Variants in SPON1 observed in about 807,000 individuals in gnomAD.
SPON1 encodes spondin 1.
SPON1 carries 52 observed loss-of-function variants against 111.7 expected under a neutral mutation model. That is an observed-to-expected ratio of 0.47 (90% CI 0.37 to 0.59). The LOEUF (loss-of-function observed/expected upper bound fraction) is 0.59. Ranked by LOEUF, SPON1 falls within the 20% of genes least tolerant of loss-of-function variation. The probability of loss-of-function intolerance (pLI) is 0.00; values close to 1 mark genes in which losing one functional copy is unlikely to be tolerated. For synonymous variants in SPON1, 410 were observed against 395.8 expected, an observed-to-expected ratio of 1.04 and a Z score of -0.43; for missense variants, 957 against 1,068.5, an observed-to-expected ratio of 0.90 and a Z score of 1.46.
chr11:14,079,407 T>G (rs1043110680), intron 4 of SPON1, among the ~76,000 whole-genome samples: 1 of 152,212 alleles, frequency 6.6e-6, no homozygotes, highest in African/African-American at 2.4e-5. Flanking sequence ...ATTCTTTATC[T>G]CTCTCCATTT....
chr11:14,243,952 C>T (rs1343466051), intron 7 of SPON1, among the ~76,000 whole-genome samples: 1 of 152,178 alleles, frequency 6.6e-6, no homozygotes, highest in African/African-American at 2.4e-5. Flanking sequence ...CATGGATGGT[C>T]CACCTGGACC....
intron 2 of SPON1, among the ~76,000 whole-genome samples, chr11:14,027,020 T>C (rs1848523743): frequency 6.6e-6 from 1 of 152,176 alleles, no homozygotes; most frequent in African/African-American, 2.4e-5. Flanking sequence ...GATAAGCTTG[T>C]GCCTCTGATA....
In SPON1 at chr11:14,260,631, C is replaced by A; in HGVS notation, c.1875C>A (p.Asp625Glu). ...TGTCCCCATGGTCCGAGTGGAGTGA[C>A]TGCAGCGTGACCTGCGGGAAGGGCA... The part of the protein sequence containing the change: ...CLLSPWSEWS[D>E]CSVTCGKGMR... Residue 625 changes from aspartate to glutamate, a missense_variant, in exon 14 of 16, where the codon GAC becomes GAA. Asp to Glu is a conservative substitution (Grantham distance 45, BLOSUM62 2). Around this residue, in one of 5 missense-constraint regions of SPON1, gnomAD observed 549 missense variants for 606.2 expected, o/e 0.91. Coordinates refer to ENST00000576479, the MANE Select transcript of SPON1 (RefSeq NM_006108.4). 6.2e-7 allele frequency: 1 copy of A among 1,614,006 alleles called. No individual in the cohort carries two copies. The highest frequency in any genetic ancestry group is 8.5e-7 in the Non-Finnish European group (1 of 1,179,892).
chr11:14,176,559 C>T (rs1282880434), intron 6 of SPON1, among the ~76,000 whole-genome samples: 4 of 152,246 alleles, frequency 2.6e-5, no homozygotes, highest in East Asian at 1.9e-4. Context: ...CAGAACCAGT[C>T]GGGAGAAGGA....
chr11:14,137,585 G>T (rs1160130797), intron 6 of SPON1, among the ~76,000 whole-genome samples: 2 of 152,150 alleles, frequency 1.3e-5, no homozygotes, highest in Admixed American at 1.3e-4. Flanking sequence ...CAACAGCAGA[G>T]AATACCAGGA....
chr11:14,141,605 G>A (rs968798772), intron 6 of SPON1, among the ~76,000 whole-genome samples: 12 of 152,222 alleles, frequency 7.9e-5, no homozygotes, highest in African/African-American at 2.4e-4. Context: ...TTATCACACC[G>A]CCTGTGGCAT....
chr11:14,122,617 A>C (rs781861792), intron 5 of SPON1, among the ~76,000 whole-genome samples: 21 of 151,890 alleles, frequency 1.4e-4, no homozygotes, highest in Non-Finnish European at 2.5e-4. Flanking sequence ...TCTGTGCTTC[A>C]TTTTGAATTG....
intron 6 of SPON1, among the ~76,000 whole-genome samples, chr11:14,203,501 G>A (rs782664886): frequency 5.3e-5 from 8 of 152,180 alleles, no homozygotes; most frequent in African/African-American, 1.2e-4. Flanking sequence ...GACGATTATC[G>A]TACATCAAGA....
chr11:14,173,092 C>T (rs1207851648), intron 6 of SPON1, among the ~76,000 whole-genome samples: 2 of 151,864 alleles, frequency 1.3e-5, no homozygotes, highest in African/African-American at 4.8e-5. Context: ...GAGTGTTTTC[C>T]AACTTGGTTC....
intron 6 of SPON1, among the ~76,000 whole-genome samples, chr11:14,181,844 G>T (rs1395790497): frequency 6.6e-6 from 1 of 152,148 alleles, no homozygotes; most frequent in Non-Finnish European, 1.5e-5. Flanking sequence ...TTCCTCATGT[G>T]TGGGTTTTTT....
rs573097190 is a variant in SPON1, at chr11:14,027,134, C to G, written c.346-14387C>G. On this transcript the variant is annotated intron_variant, in intron 2 of 15. Transcript: ENST00000576479. The stretch of plus-strand genomic sequence containing the variant: ...CTGGACTTCTCTCTGCCGGGAGGCA[C>G]TGGCGTTGTAAGAAATGAAGGAATG... Among the ~76,000 whole-genome samples, 5 of 152,272 alleles carry G rather than the reference C, an allele frequency of 3.3e-5. No homozygotes were observed. In the South Asian group the frequency reaches 1.0e-3, roughly 32 times the overall value.
chr11:14,240,925 A>C (rs1341563588), intron 6 of SPON1, among the ~76,000 whole-genome samples: 1 of 152,230 alleles, frequency 6.6e-6, no homozygotes, highest in Non-Finnish European at 1.5e-5. Context: ...AAGAGAGCTA[A>C]GATATATAGT....
chr11:14,171,191 A>C (rs1292881608), intron 6 of SPON1, among the ~76,000 whole-genome samples: 1 of 152,178 alleles, frequency 6.6e-6, no homozygotes, highest in Non-Finnish European at 1.5e-5. Context: ...TGGTCTATTC[A>C]GGGATTCAAC....
At chr11:14,038,002 C>T (rs1262574561) in intron 2 of SPON1, among the ~76,000 whole-genome samples, 1 of 151,150 alleles carries the variant, frequency 6.6e-6, no homozygotes, top group Non-Finnish European at 1.5e-5. Flanking sequence ...CCTGTCTCTA[C>T]TAAAAATACA....
At chr11:14,079,750 A>T in intron 4 of SPON1, 149 bp from the exon 5 acceptor site, 1 of 741,186 alleles carries the variant, frequency 1.3e-6, no homozygotes, top group Non-Finnish European at 2.1e-6. Flanking sequence ...TTTATTGCCC[A>T]AGTACTGATC....
intron 2 of SPON1, among the ~76,000 whole-genome samples, chr11:14,027,752 T>C (rs1475608819): frequency 6.6e-6 from 1 of 152,212 alleles, no homozygotes; most frequent in African/African-American, 2.4e-5. Flanking sequence ...TGTAAAGTAT[T>C]CAAGAGCAAT....
chr11:14,067,893 G>C (rs2697826), intron 3 of SPON1, among the ~76,000 whole-genome samples: 1 of 151,982 alleles, frequency 6.6e-6, no homozygotes, highest in African/African-American at 2.4e-5. Context: ...AACAGATTAC[G>C]TCACTCTCCT....
At chr11:14,197,313 C>G (rs1030654522) in intron 6 of SPON1, among the ~76,000 whole-genome samples, 6 of 152,086 alleles carry the variant, frequency 3.9e-5, no homozygotes, top group South Asian at 4.1e-4. Context: ...TGATCTCCCC[C>G]CTTACATTTC....
At chr11:14,006,991 T>C (rs546227417) in intron 2 of SPON1, among the ~76,000 whole-genome samples, 1 of 152,256 alleles carries the variant, frequency 6.6e-6, no homozygotes, top group South Asian at 2.1e-4. Context: ...AGGACCACAC[T>C]CCCTCTGGGG....
Sources: gnomAD v4.1 joint callset for allele counts (sites outside exome capture counted in the v4.1 genomes callset) on GRCh38, gnomAD v4.1.1 for gene constraint, gnomAD v4.1.1 regional missense constraint, MANE v1.5 for transcripts, NCBI Gene and HGNC (gene_info 2026-07-23, HGNC 2026-07-21) for gene names.